The following UGT3A2 variants were observed in gnomAD, a reference collection of about 807,000 sequenced individuals.
UGT3A2 encodes UDP-glycosyltransferase 3A2.
In UGT3A2, 32 loss-of-function variants were observed where a neutral mutation model predicts 39.8. The ratio of observed to expected loss-of-function variants is 0.80; its 90% confidence interval spans 0.61 to 1.08. The LOEUF is 1.08. Ranked by LOEUF, UGT3A2 falls within the 50% of genes least tolerant of loss-of-function variation. UGT3A2 has a pLI of 0.00. For missense variants in UGT3A2, 611 were observed against 637.1 expected (o/e 0.96, Z 0.44); for synonymous variants, 241 against 230.7 (o/e 1.04, Z -0.40).
intron 2 of UGT3A2, among the ~76,000 whole-genome samples, chr5:36,057,156 C>T (rs1324923187): frequency 1.3e-5 from 2 of 152,198 alleles, no homozygotes; most frequent in Non-Finnish European, 2.9e-5. Context: ...TCTTCAGTGC[C>T]TCTGATGTCA....
At chr5:36,039,751 G>C (rs1741948855) in intron 4 of UGT3A2, 43 bp from the exon 5 acceptor site, 1 of 1,561,374 alleles carries the variant, frequency 6.4e-7, no homozygotes, top group Non-Finnish European at 8.8e-7. Flanking sequence ...AAAATTATTG[G>C]TGAAAGCCTA....
intron 2 of UGT3A2, among the ~76,000 whole-genome samples, chr5:36,055,575 T>C (rs1742485627): frequency 6.6e-6 from 1 of 152,124 alleles, no homozygotes; most frequent in Admixed American, 6.5e-5. Context: ...CCAGCTAGTG[T>C]CTAGATGTTC....
intron 2 of UGT3A2, among the ~76,000 whole-genome samples, chr5:36,062,407 A>G (rs1644964527): frequency 6.6e-6 from 1 of 152,104 alleles, no homozygotes; most frequent in South Asian, 2.1e-4. Context: ...TCCATCTTGA[A>G]TTGATTTTTG....
chr5:36,061,933 C>T (rs1010756580), intron 2 of UGT3A2, among the ~76,000 whole-genome samples: 1 of 149,944 alleles, frequency 6.7e-6, no homozygotes, highest in African/African-American at 2.5e-5. Flanking sequence ...GATTGCCATT[C>T]TAACTGGTGT....
chr5:36,049,322 T>C lies in UGT3A2; in HGVS notation c.410A>G (p.Glu137Gly). Residue 137 changes from glutamate (E) to glycine (G), a missense_variant, in exon 4 of 7, where the codon GAG becomes GGG. By Grantham distance (98) the Glu-to-Gly change is moderately conservative. Coordinates refer to ENST00000282507, the MANE Select transcript of UGT3A2 (RefSeq NM_174914.4). ...TTCAACTATCACCATGTCGAAGTTC[T>C]CATTCTTTAAGGAATCCATGATATC... ...RKDIMDSLKN[E>G]NFDMVIVETF... 6.2e-7 allele frequency: 1 copy of C among 1,614,120 alleles called. No homozygotes were observed.
chr5:36,046,889 C>T (rs538514480), intron 4 of UGT3A2, among the ~76,000 whole-genome samples: 1 of 152,294 alleles, frequency 6.6e-6, no homozygotes, highest in East Asian at 1.9e-4. Context: ...CCAGGTAGCT[C>T]TTAACAAAGT....
chr5:36,042,921 C>A (rs546503861), intron 4 of UGT3A2, among the ~76,000 whole-genome samples: 99 of 152,040 alleles, frequency 6.5e-4, no homozygotes, highest in African/African-American at 2.3e-3. Flanking sequence ...GAGAGATAGA[C>A]CCCAATAAAA....
chr5:36,053,681 A>G (rs1380328781), intron 2 of UGT3A2, among the ~76,000 whole-genome samples: 1 of 152,208 alleles, frequency 6.6e-6, no homozygotes, highest in Non-Finnish European at 1.5e-5. Context: ...GCTTAACACA[A>G]CACAAGGTAT....
In UGT3A2 at chr5:36,035,667, C is replaced by G; in HGVS notation, c.*31G>C. ...CCCTAGAAATGGTGACATCGCCCACCAAACAGACCCCGCCAAGGCTGCACC... is the reference window on the plus strand; with the variant it reads ...CCCTAGAAATGGTGACATCGCCCACGAAACAGACCCCGCCAAGGCTGCACC... On this transcript the variant is annotated 3_prime_UTR_variant, in exon 7 of 7. Transcript: ENST00000282507. 6.2e-7 allele frequency: 1 copy of G among 1,602,194 alleles called. No individual in the cohort carries two copies. The highest frequency in any genetic ancestry group is 2.2e-5 in the East Asian group (1 of 44,658).
chr5:36,052,575 C>T (rs1440357784), intron 2 of UGT3A2, among the ~76,000 whole-genome samples: 6 of 151,978 alleles, frequency 3.9e-5, no homozygotes, highest in Admixed American at 3.3e-4. Context: ...CACACCTTCT[C>T]TCTTATCCCT....
At chr5:36,066,024 C>G (rs1447007717) in intron 1 of UGT3A2, among the ~76,000 whole-genome samples, 1 of 152,118 alleles carries the variant, frequency 6.6e-6, no homozygotes, top group Non-Finnish European at 1.5e-5. Flanking sequence ...ACCCAAAATG[C>G]AGAATTAACA....
At chr5:36,041,424 G>A (rs1358932401) in intron 4 of UGT3A2, among the ~76,000 whole-genome samples, 1 of 152,194 alleles carries the variant, frequency 6.6e-6, no homozygotes, top group African/African-American at 2.4e-5. Context: ...CATAGGTCTT[G>A]GATGAGGTCC....
At chr5:36,059,361 CTTTTT>C (rs35872759) in intron 2 of UGT3A2, among the ~76,000 whole-genome samples, 8 of 118,742 alleles carry the variant, frequency 6.7e-5, no homozygotes, top group Non-Finnish European at 8.6e-5. Flanking sequence ...TTTCTTTTCT[CTTTTT>C]TTTTTTTTTT....
intron 2 of UGT3A2, among the ~76,000 whole-genome samples, chr5:36,055,260 C>T (rs1482859274): frequency 1.3e-5 from 2 of 151,314 alleles, no homozygotes; most frequent in African/African-American, 2.4e-5. Flanking sequence ...GACAGAGTCT[C>T]GTTCTGTCAC....
At position 36,035,643 on chromosome 5, in the gene UGT3A2, C is replaced by T; in HGVS notation, c.*55G>A. The stretch of plus-strand genomic sequence containing the variant: ...GGCTGCCAGAACTAGTGGGAAGCTC[C>T]CTAGAAATGGTGACATCGCCCACCA... On this transcript the variant is annotated 3_prime_UTR_variant, in exon 7 of 7. Transcript: ENST00000282507. 6.3e-7 allele frequency: 1 copy of T among 1,585,248 alleles called. No individual in the cohort carries two copies. The highest frequency in any genetic ancestry group is 1.1e-5 in the South Asian group (1 of 87,050).
At chr5:36,065,955 T>C (rs999636928) in intron 1 of UGT3A2, among the ~76,000 whole-genome samples, 1 of 152,216 alleles carries the variant, frequency 6.6e-6, no homozygotes, top group African/African-American at 2.4e-5. Context: ...TATGTTCATA[T>C]ATGTTTCTCT....
chr5:36,064,461 G>A, intron 1 of UGT3A2, 111 bp from the exon 2 acceptor site: 1 of 942,432 alleles, frequency 1.1e-6, no homozygotes, highest in South Asian at 1.8e-5. Flanking sequence ...GATAGTGATT[G>A]GAGGAAGATG....
intron 2 of UGT3A2, among the ~76,000 whole-genome samples, chr5:36,054,383 C>A (rs556797331): frequency 6.6e-6 from 1 of 152,294 alleles, no homozygotes; most frequent in African/African-American, 2.4e-5. Context: ...TTCATATACA[C>A]CCCTCTTGGA....
At chr5:36,064,464 G>A (rs1028044985) in intron 1 of UGT3A2, 114 bp from the exon 2 acceptor site, 2 of 935,362 alleles carry the variant, frequency 2.1e-6, no homozygotes. Flanking sequence ...AGTGATTGGA[G>A]GAAGATGAGT....
Sources: gnomAD v4.1 joint callset for allele counts (sites outside exome capture counted in the v4.1 genomes callset) on GRCh38, gnomAD v4.1.1 for gene constraint, MANE v1.5 for transcripts, NCBI Gene and HGNC (gene_info 2026-07-23, HGNC 2026-07-21) for gene names.